Variants in UGT1A3 observed in about 807,000 individuals in gnomAD.
UGT1A3 encodes the protein UDP-glucuronosyltransferase 1A3.
A neutral mutation model predicts 41.0 loss-of-function variants in UGT1A3; 31 were observed. The ratio of observed to expected loss-of-function variants is 0.76; its 90% CI spans 0.57 to 1.02. The LOEUF (loss-of-function observed/expected upper bound fraction) is 1.02, where lower values mean the gene tolerates loss of function less well. UGT1A3 is among the 50% of genes least tolerant of loss of function. The pLI, the probability that UGT1A3 is intolerant of heterozygous loss-of-function variation, is 0.00. For synonymous variants in UGT1A3, 262 were observed against 257.6 expected, an observed-to-expected ratio of 1.02 and a Z score of -0.17; for missense variants, 737 against 671.0, an observed-to-expected ratio of 1.10 and a Z score of -1.09.
chr2:233,731,513 C>A (rs972587345), intron 1 of UGT1A3, among the ~76,000 whole-genome samples: 1 of 152,148 alleles, frequency 6.6e-6, no homozygotes, highest in Non-Finnish European at 1.5e-5. Flanking sequence ...CAGTTCCCAC[C>A]TATGAGTGAG....
At position 233,763,858 on chromosome 2, in the gene UGT1A3, C is replaced by T. The variant is rs577598991; in HGVS notation, c.868-3176C>T. ...GGGTAAGATAGCAGTGGTTCACAGA[C>T]AATCGCAATGCTGGGTCTGAGAAAA... On this transcript the variant is annotated intron_variant, in intron 1 of 4. Transcript: ENST00000482026. 5.1e-4 allele frequency among the ~76,000 whole-genome samples: 77 copies of T among 152,246 alleles called. 2 individuals carry two copies. The South Asian group carries it at 0.016, about 31-fold the overall frequency.
intron 1 of UGT1A3, among the ~76,000 whole-genome samples, chr2:233,730,416 T>C (rs934632657): frequency 4.6e-5 from 7 of 152,204 alleles, no homozygotes; most frequent in African/African-American, 1.7e-4. Flanking sequence ...GTTGACATGA[T>C]AATTTTTAGT....
chr2:233,762,210 G>A (rs190920095), intron 1 of UGT1A3, among the ~76,000 whole-genome samples: 9 of 152,170 alleles, frequency 5.9e-5, no homozygotes, highest in Non-Finnish European at 7.4e-5. Context: ...TGTATTTGGC[G>A]CCCCATAAAT....
At chr2:233,746,276 T>A (rs1693346507) in intron 1 of UGT1A3, among the ~76,000 whole-genome samples, 1 of 151,642 alleles carries the variant, frequency 6.6e-6, no homozygotes, top group African/African-American at 2.4e-5. Flanking sequence ...GCTGTGGGGA[T>A]TCAAGGAAGG....
At chr2:233,748,984 C>T (rs1315447738) in intron 1 of UGT1A3, among the ~76,000 whole-genome samples, 18 of 151,726 alleles carry the variant, frequency 1.2e-4, no homozygotes, top group Non-Finnish European at 2.1e-4. Context: ...TACTTCTTTA[C>T]CAACAATTTC....
At chr2:233,768,469 G>T (rs1403858659) in intron 4 of UGT1A3, 30 bp downstream of exon 4, 1 of 1,603,172 alleles carries the variant, frequency 6.2e-7, no homozygotes, top group East Asian at 2.2e-5. Flanking sequence ...AGAATACTTT[G>T]GTCATGGCAT....
chr2:233,746,996 T>C (rs1200974449), intron 1 of UGT1A3, among the ~76,000 whole-genome samples: 1 of 151,576 alleles, frequency 6.6e-6, no homozygotes, highest in East Asian at 1.9e-4. Context: ...TCAGATGAGT[T>C]TTTCAAGTAG....
intron 1 of UGT1A3, chr2:233,739,149 C>T (rs912480643): frequency 6.6e-6 from 1 of 152,208 alleles, no homozygotes; most frequent in African/African-American, 2.4e-5. Context: ...TGGGAACCTC[C>T]ACATAAATTT....
rs1335994294 is a variant in UGT1A3 at position 233,729,801 on chromosome 2, T to C, written c.675T>C (p.His225=). 3 of 1,613,964 alleles carry C rather than the reference T, an allele frequency of 1.9e-6. No individual in the cohort carries two copies. Among genetic ancestry groups the C allele is most frequent in the Non-Finnish European group, 1.7e-6 (2 of 1,179,864 alleles). ...LYPLALSYIC[H]AFSAPYASLA... ...CTCTGGCCCTGTCCTACATTTGCCATGCTTTTTCTGCTCCTTATGCAAGCC... is the reference window on the plus strand; with the variant it reads ...CTCTGGCCCTGTCCTACATTTGCCACGCTTTTTCTGCTCCTTATGCAAGCC... Residue 225 remains histidine, a synonymous_variant, in exon 1 of 5, where the codon CAT becomes CAC. Transcript: ENST00000482026.
intron 1 of UGT1A3, chr2:233,760,250 G>A (rs1489611347): frequency 6.2e-7 from 1 of 1,601,220 alleles, no homozygotes; most frequent in Non-Finnish European, 8.5e-7. Context: ...ATATATATAA[G>A]TAGGAGAGGG....
chr2:233,740,927 G>A (rs1691506566), intron 1 of UGT1A3: 1 of 150,310 alleles, frequency 6.7e-6, no homozygotes, highest in African/African-American at 2.5e-5. Flanking sequence ...TCCACAAAAA[G>A]TTTTTTTTTT....
At chr2:233,742,375 GC>G (rs1691959490) in intron 1 of UGT1A3, among the ~76,000 whole-genome samples, 1 of 151,984 alleles carries the variant, frequency 6.6e-6, no homozygotes, top group Non-Finnish European at 1.5e-5. Flanking sequence ...TGTCCTTAAG[GC>G]ACAGATGGCT....
chr2:233,772,331 C>T lies in UGT1A3; in HGVS notation c.1377C>T (p.Ala459=), dbSNP rs755348390. 16 of 1,614,018 alleles carry T rather than the reference C, an allele frequency of 9.9e-6. No homozygotes were observed. The highest frequency in any genetic ancestry group is 5.0e-5 in the Admixed American group (3 of 59,996). The change falls in exon 5 of 5, where the codon GCC becomes GCT. Residue 459 remains alanine (A), a synonymous_variant. Coordinates refer to ENST00000482026, the MANE Select transcript of UGT1A3 (RefSeq NM_019093.4). ...KDRPVEPLDL[A]VFWVEFVMRH... is the part of the protein sequence containing the mutation. ...GCCCGGTGGAGCCGCTGGACCTGGC[C>T]GTGTTCTGGGTGGAGTTTGTGATGA...
At chr2:233,740,865 T>C (rs1159264843) in intron 1 of UGT1A3, 1 of 151,874 alleles carries the variant, frequency 6.6e-6, no homozygotes, top group Admixed American at 6.5e-5. Flanking sequence ...AAAAATTCTT[T>C]AAATAAAATG....
intron 1 of UGT1A3, among the ~76,000 whole-genome samples, chr2:233,736,107 T>G (rs1391401808): frequency 6.6e-6 from 1 of 152,266 alleles, no homozygotes; most frequent in Non-Finnish European, 1.5e-5. Flanking sequence ...AAGAGTGTTT[T>G]CCAACTTGTT....
intron 1 of UGT1A3, chr2:233,747,175 C>T (rs1385775895): frequency 1.8e-5 from 28 of 1,599,104 alleles, no homozygotes; most frequent in South Asian, 8.9e-5. Context: ...GGAGGCACAG[C>T]GTGGGGTGGA....
intron 1 of UGT1A3, among the ~76,000 whole-genome samples, chr2:233,746,867 A>G (rs1013887537): frequency 6.6e-6 from 1 of 151,064 alleles, no homozygotes; most frequent in Non-Finnish European, 1.5e-5. Context: ...CAGCCTGATA[A>G]ACGTGGTTAA....
rs541889262 is a variant in UGT1A3 at position 233,732,819 on chromosome 2, A to T, written c.867+2826A>T. 7.3e-4 allele frequency among the ~76,000 whole-genome samples: 110 copies of T among 150,442 alleles called. 1 individual carries two copies. The highest frequency in any genetic ancestry group is 2.7e-3 in the African/African-American group (109 of 40,796). On this transcript the variant is annotated intron_variant, in intron 1 of 4. Coordinates refer to ENST00000482026, the MANE Select transcript of UGT1A3 (RefSeq NM_019093.4). The stretch of plus-strand genomic sequence containing the variant: ...CAGGCTCTTTTTTGATTCCATATGA[A>T]CTTTAAAGTAGTTTTTTCCAATTTT...
At chr2:233,752,688 T>G (rs143415003) in intron 1 of UGT1A3, 1 of 152,282 alleles carries the variant, frequency 6.6e-6, no homozygotes, top group Non-Finnish European at 1.5e-5. Flanking sequence ...GAAATTCATG[T>G]TTACTAGTGG....
Sources: gnomAD v4.1 joint callset for allele counts (sites outside exome capture counted in the v4.1 genomes callset) on GRCh38, gnomAD v4.1.1 for gene constraint, MANE v1.5 for transcripts, NCBI Gene and HGNC (gene_info 2026-07-23, HGNC 2026-07-21) for gene names.